FAM174B: variants seen among roughly 807,000 people sequenced by gnomAD.
FAM174B encodes family with sequence similarity 174 member B.
A neutral mutation model predicts 10.9 loss-of-function variants in FAM174B; 12 were observed. The observed-to-expected ratio is 1.10, with a 90% CI of 0.71 to 1.79. FAM174B has a LOEUF of 1.79. FAM174B is among the 40% of genes most tolerant of loss of function. The pLI is 0.00. For synonymous variants in FAM174B, 132 were observed against 115.8 expected, an observed-to-expected ratio of 1.14 and a Z score of -0.90; for missense variants, 266 against 233.3, an observed-to-expected ratio of 1.14 and a Z score of -0.91.
Position 92,646,188 on chromosome 15 carries a change from G to C in FAM174B, c.344+9128C>G, listed in dbSNP as rs76662513. Among the ~76,000 whole-genome samples the C allele has an allele frequency of 2.6e-3, 399 of 152,190 alleles. 1 individual carries two copies. The highest frequency in any genetic ancestry group is 4.3e-3 in the Non-Finnish European group (290 of 68,020). On this transcript the variant is annotated intron_variant, in intron 1 of 2. Coordinates refer to ENST00000327355, the MANE Select transcript of FAM174B (RefSeq NM_207446.3). ...GCCACGTCACTATTCATGCATTCTT[G>C]GTAAATCCTTGGTACAACCTGATCT...
intron 2 of FAM174B, among the ~76,000 whole-genome samples, chr15:92,629,103 G>C (rs946994941): frequency 6.6e-6 from 1 of 152,150 alleles, no homozygotes; most frequent in Non-Finnish European, 1.5e-5. Context: ...GCTGTGCTGA[G>C]GAACACAGGT....
At chr15:92,628,701 T>G (rs1306513973) in intron 2 of FAM174B, among the ~76,000 whole-genome samples, 1 of 152,172 alleles carries the variant, frequency 6.6e-6, no homozygotes, top group Non-Finnish European at 1.5e-5. Context: ...TCAGGTTCTT[T>G]ATAAGATTTA....
At chr15:92,655,278 T>A (rs766412304) in intron 1 of FAM174B, 38 bp downstream of exon 1, 8 of 1,496,760 alleles carry the variant, frequency 5.3e-6, no homozygotes, top group Non-Finnish European at 7.1e-6. Context: ...TGCCGCCCTG[T>A]CGGCCGGCGG....
chr15:92,630,481 G>A (rs1182587444), intron 1 of FAM174B, 136 bp from the exon 2 acceptor site: 1 of 819,000 alleles, frequency 1.2e-6, no homozygotes, highest in East Asian at 2.8e-5. Context: ...GAGAGTGTGA[G>A]GATCTGATGG....
chr15:92,653,504 C>T (rs1377813734), intron 1 of FAM174B, among the ~76,000 whole-genome samples: 1 of 152,232 alleles, frequency 6.6e-6, no homozygotes, highest in Non-Finnish European at 1.5e-5. Flanking sequence ...TCAGGAAGTC[C>T]GTAGATGACA....
chr15:92,630,083 C>T, intron 2 of FAM174B, 131 bp downstream of exon 2: 1 of 785,438 alleles, frequency 1.3e-6, no homozygotes, highest in Non-Finnish European at 2.1e-6. Context: ...GCAGGTCTCT[C>T]CACGTGCAGA....
intron 2 of FAM174B, among the ~76,000 whole-genome samples, chr15:92,628,122 G>A (rs2050765678): frequency 6.6e-6 from 1 of 151,820 alleles, no homozygotes; most frequent in Non-Finnish European, 1.5e-5. Flanking sequence ...ACACTGTATT[G>A]TCTTTTGGAT....
At chr15:92,651,221 A>G (rs1250804693) in intron 1 of FAM174B, among the ~76,000 whole-genome samples, 1 of 152,190 alleles carries the variant, frequency 6.6e-6, no homozygotes, top group Non-Finnish European at 1.5e-5. Context: ...GGAAACCTAC[A>G]CTGGTGCCTG....
At chr15:92,637,195 G>A (rs1012112832) in intron 1 of FAM174B, among the ~76,000 whole-genome samples, 11 of 152,186 alleles carry the variant, frequency 7.2e-5, no homozygotes, top group Admixed American at 1.3e-4. Context: ...GGGAAGGCAC[G>A]ACCAACCCGA....
At position 92,655,626 on chromosome 15, in the gene FAM174B, G is replaced by A. The variant is rs970663993; in HGVS notation, c.34C>T (p.Pro12Ser). 12 of 1,261,984 alleles carry A rather than the reference G, an allele frequency of 9.5e-6. No homozygotes were observed. The highest frequency in any genetic ancestry group is 2.0e-6 in the Non-Finnish European group (2 of 1,008,222). The allele number at this position is 1,261,984 out of a possible 1,614,324, so 78.2% of individuals were successfully genotyped here. ...GCCAGGAGCGCGAGCAGCAGCAGCG[G>A]CAGGAGCGGGGCGGGCAGCGGCACG... ...RAVPLPAPLL[P>S]LLLLALLAAP... The change falls in exon 1 of 3, where the codon CCG becomes TCG. Residue 12 changes from proline to serine, a missense_variant. Coordinates refer to ENST00000327355, the MANE Select transcript of FAM174B (RefSeq NM_207446.3).
At chr15:92,641,237 G>A (rs1290691357) in intron 1 of FAM174B, among the ~76,000 whole-genome samples, 1 of 152,214 alleles carries the variant, frequency 6.6e-6, no homozygotes, top group African/African-American at 2.4e-5. Context: ...TGGCAAGGAT[G>A]TACAGAAACA....
At chr15:92,623,014 G>A (rs532852791) in intron 2 of FAM174B, among the ~76,000 whole-genome samples, 2 of 152,180 alleles carry the variant, frequency 1.3e-5, no homozygotes, top group African/African-American at 2.4e-5. Context: ...AAATTAGCTG[G>A]GCGTGGTGGC....
chr15:92,650,648 G>C (rs1368101133), intron 1 of FAM174B, among the ~76,000 whole-genome samples: 1 of 152,224 alleles, frequency 6.6e-6, no homozygotes, highest in Non-Finnish European at 1.5e-5. Flanking sequence ...ACAATAAAGT[G>C]TTCTGAGTGA....
At chr15:92,628,925 A>G (rs771662570) in intron 2 of FAM174B, among the ~76,000 whole-genome samples, 13 of 152,226 alleles carry the variant, frequency 8.5e-5, no homozygotes, top group Non-Finnish European at 1.6e-4. Context: ...TTTTTTAAAT[A>G]CCTAATAAAT....
chr15:92,638,947 G>A (rs567557542), intron 1 of FAM174B, among the ~76,000 whole-genome samples: 1 of 152,326 alleles, frequency 6.6e-6, no homozygotes, highest in Admixed American at 6.5e-5. Context: ...GGCACTGTGA[G>A]GCGACAACCC....
At chr15:92,625,776 A>G (rs1451797255) in intron 2 of FAM174B, among the ~76,000 whole-genome samples, 2 of 152,256 alleles carry the variant, frequency 1.3e-5, no homozygotes, top group East Asian at 3.8e-4. Flanking sequence ...TATTTTCTAC[A>G]GCTTAACATT....
At chr15:92,646,642 T>C (rs2050929856) in intron 1 of FAM174B, among the ~76,000 whole-genome samples, 1 of 152,210 alleles carries the variant, frequency 6.6e-6, no homozygotes, top group African/African-American at 2.4e-5. Flanking sequence ...ATAGACCCTC[T>C]AAGTCTGACA....
At chr15:92,644,527 G>A (rs1269076946) in intron 1 of FAM174B, among the ~76,000 whole-genome samples, 1 of 152,072 alleles carries the variant, frequency 6.6e-6, no homozygotes, top group Non-Finnish European at 1.5e-5. Flanking sequence ...CACAGAGGCT[G>A]GGGAGACCCT....
intron 1 of FAM174B, among the ~76,000 whole-genome samples, chr15:92,650,556 G>C (rs1236050710): frequency 6.6e-6 from 1 of 152,170 alleles, no homozygotes; most frequent in African/African-American, 2.4e-5. Flanking sequence ...TTGTGGTTTC[G>C]AGGTGGCAGG....
Sources: allele counts gnomAD v4.1 joint callset (sites outside exome capture counted in the v4.1 genomes callset), GRCh38; gene constraint gnomAD v4.1.1; transcripts MANE v1.5; gene names NCBI Gene and HGNC (gene_info 2026-07-23, HGNC 2026-07-21).